EBF3: variants seen among roughly 807,000 people sequenced by gnomAD.
EBF3 encodes EBF transcription factor 3, also known as transcription factor COE3.
In EBF3, 18 loss-of-function variants were observed where a neutral mutation model predicts 77.1. The observed-to-expected ratio is 0.23, with a 90% confidence interval of 0.16 to 0.35. The LOEUF (loss-of-function observed/expected upper bound fraction) is 0.35, where lower values mean the gene tolerates loss of function less well. Ranked by LOEUF, EBF3 falls within the 10% of genes least tolerant of loss-of-function variation. EBF3 has a pLI of 1.00. For synonymous variants in EBF3, 350 were observed against 343.5 expected (o/e 1.02, Z -0.21); for missense variants, 558 against 860.0 (o/e 0.65, Z 4.39).
At position 129,870,209 on chromosome 10, in the gene EBF3, T is replaced by C. The variant is rs888316541; in HGVS notation, c.782-2297A>G. 3.9e-5 allele frequency among the ~76,000 whole-genome samples: 6 copies of C among 152,232 alleles called. 1 individual carries two copies. The East Asian group carries it at 1.2e-3, about 29-fold the overall frequency. ...ATAGCCATCTTCCTTCTGCCTGTATTTGCATACATTTCAGTGCACATATAG... is the reference window on the plus strand; with the variant it reads ...ATAGCCATCTTCCTTCTGCCTGTATCTGCATACATTTCAGTGCACATATAG... On this transcript the variant is annotated intron_variant, in intron 8 of 16. Transcript: ENST00000440978. This position sits in a 1 kb window ranked among gnomAD's most constrained non-coding sequence, Gnocchi z 4.4.
chr10:129,923,745 T>C (rs1856464093), intron 6 of EBF3, among the ~76,000 whole-genome samples: 1 of 152,166 alleles, frequency 6.6e-6, no homozygotes, highest in Non-Finnish European at 1.5e-5. Context: ...ATTTCTTGGC[T>C]ACGGCACCAA....
At chr10:129,959,155 T>TG (rs988485240) in intron 4 of EBF3, 148 bp from the exon 5 acceptor site, 32 of 966,230 alleles carry the variant, frequency 3.3e-5, no homozygotes, top group Non-Finnish European at 4.1e-5. Flanking sequence ...ACCCTCCCGA[T>TG]GGGGTCACCC....
intron 10 of EBF3, among the ~76,000 whole-genome samples, chr10:129,862,536 G>C (rs1255434095): frequency 6.6e-6 from 1 of 152,164 alleles, no homozygotes; most frequent in African/African-American, 2.4e-5. Context: ...GAAACCAAGA[G>C]TAAGAACACC....
chr10:129,956,742 A>G (rs1859065550), intron 6 of EBF3, among the ~76,000 whole-genome samples: 1 of 152,212 alleles, frequency 6.6e-6, no homozygotes, highest in South Asian at 2.1e-4. Flanking sequence ...TGTTAGTTAC[A>G]TATTTGCTAC....
intron 6 of EBF3, among the ~76,000 whole-genome samples, chr10:129,930,963 C>T (rs75863598): frequency 0.091 from 13,032 of 143,360 alleles, 620 homozygotes; most frequent in East Asian, 0.13. Context: ...TTAACAAATC[C>T]CCCTCTCATA....
chr10:129,921,032 G>A (rs972330051), intron 6 of EBF3, among the ~76,000 whole-genome samples: 1 of 152,220 alleles, frequency 6.6e-6, no homozygotes, highest in African/African-American at 2.4e-5. Context: ...GCTGCCTTGT[G>A]ATCTCTGGGC....
At chr10:129,849,521 G>A (rs1414418882) in intron 10 of EBF3, among the ~76,000 whole-genome samples, 4 of 152,286 alleles carry the variant, frequency 2.6e-5, no homozygotes, top group East Asian at 3.9e-4. Context: ...CAAAGACTGC[G>A]GCTTCCGGAG....
intron 10 of EBF3, among the ~76,000 whole-genome samples, chr10:129,850,924 A>G (rs187585333): frequency 7.4e-4 from 112 of 152,296 alleles, no homozygotes; most frequent in African/African-American, 2.4e-3. Context: ...CCGGGGCCTC[A>G]CACACATCTC....
intron 10 of EBF3, among the ~76,000 whole-genome samples, chr10:129,862,928 G>A (rs959733499): frequency 6.6e-6 from 1 of 152,122 alleles, no homozygotes; most frequent in South Asian, 2.1e-4. Flanking sequence ...AGGACATTCT[G>A]GGACTATTTT....
rs1554892381 is a variant in EBF3 at position 129,841,043 on chromosome 10, C to CCG, written c.1373-12_1373-11insCG. The CCG allele has an allele frequency of 3.7e-6, 5 of 1,350,170 alleles. No individual in the cohort carries two copies. Among genetic ancestry groups the CCG allele is most frequent in the South Asian group, 2.6e-5 (2 of 78,216 alleles). 83.6% of individuals were successfully genotyped at this position (1,350,170 alleles called of 1,614,324 possible). A position where few individuals can be genotyped will look rare whatever the true frequency, so the allele number is the denominator to read the frequency against. On this transcript the variant is annotated splice_polypyrimidine_tract_variant and intron_variant, in intron 13 of 16. Coordinates refer to ENST00000440978, the MANE Select transcript of EBF3 (RefSeq NM_001375380.1). The surrounding 1 kb of genome is among the most constrained non-coding windows in gnomAD (Gnocchi z 4.6). The stretch of plus-strand genomic sequence containing the variant: ...TGCGACTGTAGCCGACTGTTGAAAT[C>CCG]CCCCCCCCGGCCAAAAATAACATTA...
In EBF3 at chr10:129,896,180, T is replaced by C. The variant is rs141581256; in HGVS notation, c.555-18331A>G. On this transcript the variant is annotated intron_variant, in intron 6 of 16. Transcript: ENST00000440978. Reference sequence around the variant, plus strand: ...ATGCAGGGTGGGGGGAAGGGGCTTTTATGATCCATCTGAGTTCCCATTTAG... The same window carrying C: ...ATGCAGGGTGGGGGGAAGGGGCTTTCATGATCCATCTGAGTTCCCATTTAG... Among the ~76,000 whole-genome samples the C allele has an allele frequency of 3.3e-5, 5 of 152,288 alleles. 1 individual carries two copies. The East Asian group carries it at 9.7e-4, about 29-fold the overall frequency.
chr10:129,873,505 C>T lies in EBF3; in HGVS notation c.728G>A (p.Arg243Gln), dbSNP rs1852550482. Reference sequence around the variant, plus strand: ...TTCTGACGGGTCTAGGCGGCGGGCCCGCCTCCCGTGTTTGGAATTGTTGTG... The same window carrying T: ...TTCTGACGGGTCTAGGCGGCGGGCCTGCCTCCCGTGTTTGGAATTGTTGTG... ...FVHNNSKHGR[R>Q]ARRLDPSEGT... Residue 243 changes from arginine to glutamine, a missense_variant, in exon 8 of 17, where the codon CGG becomes CAG. Transcript: ENST00000440978. 1.3e-6 allele frequency: 2 copies of T among 1,593,036 alleles called. No individual in the cohort carries two copies. Among genetic ancestry groups the T allele is most frequent in the Non-Finnish European group, 1.7e-6 (2 of 1,167,422 alleles).
chr10:129,920,832 G>C (rs1050957899), intron 6 of EBF3, among the ~76,000 whole-genome samples: 3 of 152,194 alleles, frequency 2.0e-5, no homozygotes, highest in Admixed American at 2.0e-4. Context: ...TATTGTCTGG[G>C]GCAGAAGGGG....
chr10:129,931,621 G>A (rs1857033676), intron 6 of EBF3, among the ~76,000 whole-genome samples: 1 of 152,280 alleles, frequency 6.6e-6, no homozygotes, highest in Non-Finnish European at 1.5e-5. Flanking sequence ...TGCTCTTGAT[G>A]TCTGCCCTGA....
intron 6 of EBF3, among the ~76,000 whole-genome samples, chr10:129,896,806 A>G (rs1426739091): frequency 6.6e-6 from 1 of 152,228 alleles, no homozygotes; most frequent in African/African-American, 2.4e-5. Flanking sequence ...TGACACGCCC[A>G]GCCCGTAGCC....
chr10:129,852,489 A>C (rs1283937642), intron 10 of EBF3, among the ~76,000 whole-genome samples: 3 of 152,172 alleles, frequency 2.0e-5, no homozygotes. Flanking sequence ...GGCAGGAGGC[A>C]CTGGGATTTT....
intron 6 of EBF3, among the ~76,000 whole-genome samples, chr10:129,896,416 CCGGCCACG>C (rs796230549): frequency 4.1e-4 from 62 of 152,370 alleles, no homozygotes; most frequent in African/African-American, 1.3e-3. Context: ...AGCTCCGCTC[CCGGCCACG>C]CGGCCACCGT....
intron 6 of EBF3, among the ~76,000 whole-genome samples, chr10:129,884,545 T>C (rs1853435184): frequency 6.6e-6 from 1 of 152,250 alleles, no homozygotes; most frequent in Non-Finnish European, 1.5e-5. Context: ...TAAATTCTTG[T>C]ACATTTCAAG....
chr10:129,839,883 CAA>C (rs1368141613), intron 15 of EBF3, among the ~76,000 whole-genome samples: 2 of 152,228 alleles, frequency 1.3e-5, no homozygotes, highest in Non-Finnish European at 2.9e-5. Context: ...AGGCCCCGGG[CAA>C]AGGCCCATTG....
Sources: allele counts gnomAD v4.1 joint callset (sites outside exome capture counted in the v4.1 genomes callset), GRCh38; gene constraint gnomAD v4.1.1; non-coding constraint Gnocchi (gnomAD v3.1); transcripts MANE v1.5; gene names NCBI Gene and HGNC (gene_info 2026-07-23, HGNC 2026-07-21).